DFFB: variants seen among roughly 807,000 people sequenced by gnomAD.
DFFB encodes DNA fragmentation factor 40 kDa subunit.
In DFFB, 29 loss-of-function variants were observed where a neutral mutation model predicts 32.7. The ratio of observed to expected loss-of-function variants is 0.89; its 90% CI spans 0.66 to 1.21. DFFB has a LOEUF of 1.21. Among genes scored for constraint, DFFB ranks in the 50% most tolerant of loss-of-function variants. The pLI, the probability that DFFB is intolerant of heterozygous loss-of-function variation, is 0.00. For missense variants in DFFB, 398 were observed against 440.6 expected (o/e 0.90, Z 0.87); for synonymous variants, 170 against 177.1 (o/e 0.96, Z 0.32).
Position 3,872,644 on chromosome 1 carries a change from G to GCCGCGGCCCTGTCCCTC in DFFB, c.782+74_782+75insGCGGCCCTGTCCCTCCC. The GCCGCGGCCCTGTCCCTC allele has an allele frequency of 4.7e-5, 64 of 1,358,882 alleles. 2 individuals carry two copies. The South Asian group carries it at 7.5e-4, about 16-fold the overall frequency. The allele number at this position is 1,358,882 out of a possible 1,614,324, so 84.2% of individuals were successfully genotyped here. ...CTGTCCCTGCCGTGGCCCTGTCCCTGCCATGGCCCTGTCCCTGCCACGGCC... is the reference window on the plus strand; with the variant it reads ...CTGTCCCTGCCGTGGCCCTGTCCCTGCCGCGGCCCTGTCCCTCCCATGGCCCTGTCCCTGCCACGGCC... On this transcript the variant is annotated intron_variant, in intron 6 of 6. Coordinates refer to ENST00000378209, the MANE Select transcript of DFFB (RefSeq NM_004402.4).
In DFFB at chr1:3,857,648, C is replaced by T. The variant is rs775840545; in HGVS notation, c.45C>T (p.Ser15=). The stretch of plus-strand genomic sequence containing the variant: ...GCGTGAAGCTGCGGGCCCTGCGCAG[C>T]CCGAGGAAGTTCGGCGTGGCTGGCC... ...PKSVKLRALR[S]PRKFGVAGRS... The change falls in exon 1 of 7, where the codon AGC becomes AGT. Residue 15 remains serine, a synonymous_variant. Coordinates refer to ENST00000378209, the MANE Select transcript of DFFB (RefSeq NM_004402.4). The T allele has an allele frequency of 6.2e-7, 1 of 1,601,494 alleles. No homozygotes were observed. Among genetic ancestry groups the T allele is most frequent in the Non-Finnish European group, 8.5e-7 (1 of 1,174,506 alleles).
intron 1 of DFFB, 79 bp from the exon 2 acceptor site, chr1:3,858,639 G>A: frequency 1.3e-6 from 2 of 1,531,466 alleles, no homozygotes; most frequent in South Asian, 1.2e-5. Flanking sequence ...AGCTCATTCC[G>A]GTCGTTTGTG....
chr1:3,866,206 G>A, intron 3 of DFFB: 1 of 692,598 alleles, frequency 1.4e-6, no homozygotes. Context: ...TGGGGCCAGA[G>A]TCCAGGGCAG....
chr1:3,869,041 C>T (rs1051915153), intron 4 of DFFB, among the ~76,000 whole-genome samples: 11 of 152,162 alleles, frequency 7.2e-5, no homozygotes, highest in African/African-American at 1.9e-4. Context: ...GTGGGATGGC[C>T]GTGCCTGCCT....
intron 2 of DFFB, among the ~76,000 whole-genome samples, chr1:3,860,814 C>T (rs550828844): frequency 2.0e-5 from 3 of 152,216 alleles, no homozygotes; most frequent in Non-Finnish European, 2.9e-5. Context: ...ATCCCTAGCC[C>T]GTAGCAACTG....
chr1:3,868,083 G>C (rs1291420139), intron 4 of DFFB, 30 bp downstream of exon 4: 10 of 1,610,852 alleles, frequency 6.2e-6, no homozygotes, highest in Non-Finnish European at 8.5e-6. Flanking sequence ...GGGTATGCTG[G>C]GCGGGTTTTT....
intron 6 of DFFB, among the ~76,000 whole-genome samples, chr1:3,876,963 G>C (rs962581414): frequency 1.3e-5 from 2 of 152,228 alleles, no homozygotes; most frequent in East Asian, 3.9e-4. Flanking sequence ...TGGGCTCTGG[G>C]TGGACCTGAC....
intron 6 of DFFB, among the ~76,000 whole-genome samples, chr1:3,881,114 T>G (rs12029890): frequency 6.6e-6 from 1 of 152,092 alleles, no homozygotes; most frequent in Non-Finnish European, 1.5e-5. Context: ...GGCCTGCTTG[T>G]GTGGGGGACT....
At position 3,858,795 on chromosome 1, in the gene DFFB, C is replaced by G. The variant is rs767846243; in HGVS notation, c.192C>G (p.Pro64=). Residue 64 remains proline (P), a synonymous_variant, in exon 2 of 7, where the codon CCC becomes CCG. Transcript: ENST00000378209. The stretch of plus-strand genomic sequence containing the variant: ...CGGAAGATTACTTCCCCAGTGTTCC[C>G]GACAACGCCGAGCTGGTGCTGCTCA... ...ELTEDYFPSV[P]DNAELVLLTL... is the part of the protein sequence containing the mutation. The G allele has an allele frequency of 2.4e-5, 38 of 1,613,978 alleles. No individual in the cohort carries two copies. Among genetic ancestry groups the G allele is most frequent in the Non-Finnish European group, 3.0e-5 (35 of 1,180,056 alleles).
At chr1:3,862,395 G>A (rs1644894712) in intron 2 of DFFB, among the ~76,000 whole-genome samples, 1 of 151,126 alleles carries the variant, frequency 6.6e-6, no homozygotes, top group Non-Finnish European at 1.5e-5. Context: ...AATTGCAAGA[G>A]ACCCAGAATA....
chr1:3,858,950 T>G, intron 2 of DFFB, 106 bp downstream of exon 2: 1 of 1,486,796 alleles, frequency 6.7e-7, no homozygotes, highest in South Asian at 1.3e-5. Context: ...CCCCTTACTG[T>G]GAACTCTCGG....
chr1:3,874,837 C>A (rs893219060), intron 6 of DFFB, among the ~76,000 whole-genome samples: 6 of 150,892 alleles, frequency 4.0e-5, no homozygotes, highest in Admixed American at 4.0e-4. Context: ...GTAGCTGCAC[C>A]TTTACCACAT....
chr1:3,869,309 C>T (rs898971698), intron 4 of DFFB, among the ~76,000 whole-genome samples: 2 of 152,236 alleles, frequency 1.3e-5, no homozygotes, highest in African/African-American at 2.4e-5. Flanking sequence ...GATCCGCCCA[C>T]CTCGGCCTCC....
chr1:3,870,787 AG>A (rs765510297), intron 5 of DFFB, among the ~76,000 whole-genome samples: 12 of 150,644 alleles, frequency 8.0e-5, no homozygotes, highest in East Asian at 6.0e-4. Flanking sequence ...GGGGTGCAAG[AG>A]TGAGCTGGGA....
chr1:3,866,991 G>T (rs1644996114), intron 3 of DFFB, among the ~76,000 whole-genome samples: 1 of 151,140 alleles, frequency 6.6e-6, no homozygotes, highest in Non-Finnish European at 1.5e-5. Flanking sequence ...CACCTCCCGG[G>T]TTCACGCCAT....
At position 3,865,076 on chromosome 1, in the gene DFFB, T is replaced by A. The variant is rs1644949679; in HGVS notation, c.242-736T>A. 6.6e-6 allele frequency among the ~76,000 whole-genome samples: 1 copy of A among 151,664 alleles called. No homozygotes were observed. Among genetic ancestry groups the A allele is most frequent in the Non-Finnish European group, 1.5e-5 (1 of 67,878 alleles). On this transcript the variant is annotated intron_variant, in intron 2 of 6. Coordinates refer to ENST00000378209, the MANE Select transcript of DFFB (RefSeq NM_004402.4). The surrounding 1 kb of genome is among the most constrained non-coding windows in gnomAD (Gnocchi z 4.7). ...GGCTTTTCATTCTCTTAAGAGCATT[T>A]TTTTTTTTGCGGAGTAAGAGTTTTT...
intron 2 of DFFB, among the ~76,000 whole-genome samples, chr1:3,863,398 C>G (rs1644914952): frequency 6.6e-6 from 1 of 152,144 alleles, no homozygotes; most frequent in Non-Finnish European, 1.5e-5. Context: ...GGCTGGAACC[C>G]TCAGGCCCCA....
chr1:3,868,662 A>ACGC (rs1403391151), intron 4 of DFFB, among the ~76,000 whole-genome samples: 37 of 2,346 alleles, frequency 0.016, 1 homozygote, highest in African/African-American at 0.043. Flanking sequence ...ACACCAGGCC[A>ACGC]CACCACACCA....
At chr1:3,881,394 A>G (rs533404898) in intron 6 of DFFB, among the ~76,000 whole-genome samples, 13 of 152,128 alleles carry the variant, frequency 8.5e-5, no homozygotes, top group Non-Finnish European at 1.8e-4. Context: ...AAGCTTTTCT[A>G]TCCCCCTTAA....
Sources: gnomAD v4.1 joint callset for allele counts (sites outside exome capture counted in the v4.1 genomes callset) on GRCh38, gnomAD v4.1.1 for gene constraint, Gnocchi (gnomAD v3.1) non-coding constraint, MANE v1.5 for transcripts, NCBI Gene and HGNC (gene_info 2026-07-23, HGNC 2026-07-21) for gene names.